Variants in PAX5 observed in about 807,000 individuals in gnomAD.
PAX5 encodes paired box 5, also known as paired box protein Pax-5.
Under a neutral mutation model 43.7 loss-of-function variants are expected in PAX5, and 9 were observed. The ratio of observed to expected loss-of-function variants is 0.21; its 90% CI spans 0.12 to 0.36. The LOEUF (loss-of-function observed/expected upper bound fraction) is 0.36. Ranked by LOEUF, PAX5 falls within the 10% of genes least tolerant of loss-of-function variation. The pLI is 1.00. For missense variants in PAX5, 383 were observed against 532.7 expected (o/e 0.72, Z 2.77); for synonymous variants, 228 against 214.3 (o/e 1.06, Z -0.56).
chr9:36,986,302 A>G (rs1836410122), intron 5 of PAX5, among the ~76,000 whole-genome samples: 1 of 147,844 alleles, frequency 6.8e-6, no homozygotes, highest in African/African-American at 2.4e-5. Context: ...GCCACGCGCC[A>G]GCGCTGGGAC....
chr9:36,883,860 A>G (rs2131776761), intron 7 of PAX5, among the ~76,000 whole-genome samples: 1 of 152,302 alleles, frequency 6.6e-6, no homozygotes, highest in Non-Finnish European at 1.5e-5. Context: ...ATAAAGAAAC[A>G]CACTCCACAT....
At chr9:36,848,722 C>G (rs1256500086) in intron 8 of PAX5, among the ~76,000 whole-genome samples, 2 of 152,190 alleles carry the variant, frequency 1.3e-5, no homozygotes, top group African/African-American at 4.8e-5. Context: ...GCAGAGGCCA[C>G]CTCTGCATCT....
chr9:36,948,415 G>A (rs1212926463), intron 6 of PAX5, among the ~76,000 whole-genome samples: 1 of 152,096 alleles, frequency 6.6e-6, no homozygotes, highest in Non-Finnish European at 1.5e-5. Context: ...TCCTTTTGAG[G>A]CAGATCTGGG....
At position 36,838,685 on chromosome 9, in the gene PAX5, G is replaced by A. The variant is rs1821814905; in HGVS notation, c.*1875C>T. The A allele has an allele frequency of 4.3e-6, 1 of 232,938 alleles. No homozygotes were observed. Among genetic ancestry groups the A allele is most frequent in the Non-Finnish European group, 8.5e-6 (1 of 117,974 alleles). The allele number at this position is 232,938 out of a possible 1,614,324, so 14.4% of individuals were successfully genotyped here. On this transcript the variant is annotated 3_prime_UTR_variant, in exon 10 of 10. Coordinates refer to ENST00000358127, the MANE Select transcript of PAX5 (RefSeq NM_016734.3). The stretch of plus-strand genomic sequence containing the variant: ...TGGTCCAAATATTATTGGGCCTCAG[G>A]TGCCCACCCCCATCTGCTTGCTTGG...
chr9:37,026,915 G>A (rs1372534435), intron 1 of PAX5, among the ~76,000 whole-genome samples: 1 of 152,200 alleles, frequency 6.6e-6, no homozygotes, highest in African/African-American at 2.4e-5. Context: ...GTAGGGGCCC[G>A]CCTCCGGGAC....
At chr9:36,872,485 A>G (rs1241044048) in intron 8 of PAX5, among the ~76,000 whole-genome samples, 1 of 152,096 alleles carries the variant, frequency 6.6e-6, no homozygotes. Context: ...TTTAAGAGAG[A>G]GCAGGGAGTC....
intron 5 of PAX5, among the ~76,000 whole-genome samples, chr9:36,998,628 G>A (rs1484779477): frequency 6.6e-6 from 1 of 152,180 alleles, no homozygotes; most frequent in African/African-American, 2.4e-5. Context: ...TACAATCGAG[G>A]AGCTAATTTT....
Position 37,016,587 on chromosome 9 carries a change from C to G in PAX5, c.213-1393G>C, listed in dbSNP as rs117706701. On this transcript the variant is annotated intron_variant, in intron 2 of 9. Transcript: ENST00000358127. Reference sequence around the variant, plus strand: ...GGGGATAATTGACATAATTTCTTTTCTGAATCTGAGACATCACCAGACGTC... The same window carrying G: ...GGGGATAATTGACATAATTTCTTTTGTGAATCTGAGACATCACCAGACGTC... Among the ~76,000 whole-genome samples the G allele has an allele frequency of 9.5e-3, 1,452 of 152,286 alleles. 12 individuals carry two copies. Among genetic ancestry groups the G allele is most frequent in the South Asian group, 0.028 (133 of 4,822 alleles).
chr9:36,919,829 G>A (rs1256757266), intron 7 of PAX5, among the ~76,000 whole-genome samples: 6 of 103,512 alleles, frequency 5.8e-5, no homozygotes, highest in African/African-American at 2.0e-4. Context: ...AACAGAGTGA[G>A]ACTCTGTCTC....
intron 1 of PAX5, chr9:37,026,801 T>C: frequency 1.2e-6 from 1 of 847,724 alleles, no homozygotes; most frequent in Non-Finnish European, 1.4e-6. Flanking sequence ...TAGGAGCGGG[T>C]GCCCAACTCC....
chr9:36,986,260 C>T (rs1836402150), intron 5 of PAX5, among the ~76,000 whole-genome samples: 2 of 149,986 alleles, frequency 1.3e-5, no homozygotes, highest in Admixed American at 1.3e-4. Flanking sequence ...CTCTCCTGGC[C>T]GCCGCGGGCC....
chr9:36,902,983 C>T (rs554746992), intron 7 of PAX5, among the ~76,000 whole-genome samples: 1 of 152,318 alleles, frequency 6.6e-6, no homozygotes, highest in South Asian at 2.1e-4. Flanking sequence ...ACCTGGATCA[C>T]ACCTGCTGGC....
At chr9:36,960,508 T>C (rs1044407178) in intron 6 of PAX5, among the ~76,000 whole-genome samples, 4 of 152,108 alleles carry the variant, frequency 2.6e-5, no homozygotes, top group African/African-American at 9.7e-5. Flanking sequence ...GGGGTTGGGT[T>C]TCAATGGTGG....
At chr9:36,909,435 C>A (rs532372665) in intron 7 of PAX5, among the ~76,000 whole-genome samples, 18 of 152,354 alleles carry the variant, frequency 1.2e-4, no homozygotes, top group African/African-American at 4.3e-4. Context: ...TGAGCTGATA[C>A]TGGGGAAAGC....
intron 6 of PAX5, among the ~76,000 whole-genome samples, chr9:36,948,887 T>C (rs1050041372): frequency 5.3e-5 from 8 of 152,006 alleles, no homozygotes; most frequent in Non-Finnish European, 1.2e-4. Flanking sequence ...TTTCCCACCA[T>C]GACCCTGACT....
At chr9:36,919,503 T>C (rs916680235) in intron 7 of PAX5, among the ~76,000 whole-genome samples, 1 of 152,152 alleles carries the variant, frequency 6.6e-6, no homozygotes, top group Admixed American at 6.5e-5. Context: ...GCAAAGTACA[T>C]TAAAAACGTT....
intron 5 of PAX5, among the ~76,000 whole-genome samples, chr9:36,970,062 C>CCT (rs920442510): frequency 1.3e-5 from 2 of 152,038 alleles, no homozygotes; most frequent in Non-Finnish European, 2.9e-5. Context: ...CCAAGACAAG[C>CCT]CTCTCTCTCT....
chr9:36,898,001 A>T (rs1828018339), intron 7 of PAX5, among the ~76,000 whole-genome samples: 1 of 152,166 alleles, frequency 6.6e-6, no homozygotes, highest in Non-Finnish European at 1.5e-5. Flanking sequence ...CTTCTGTGCT[A>T]CCAGCAAATG....
intron 5 of PAX5, among the ~76,000 whole-genome samples, chr9:36,982,019 C>G (rs1835983317): frequency 6.6e-6 from 1 of 152,230 alleles, no homozygotes; most frequent in Non-Finnish European, 1.5e-5. Context: ...AATCCCAGCA[C>G]TTTGGGAGGC....
Sources: gnomAD v4.1 joint callset for allele counts (sites outside exome capture counted in the v4.1 genomes callset) on GRCh38, gnomAD v4.1.1 for gene constraint, MANE v1.5 for transcripts, NCBI Gene and HGNC (gene_info 2026-07-23, HGNC 2026-07-21) for gene names.